Variants in MSH3 observed in about 807,000 individuals in gnomAD.
The protein encoded by MSH3 is mutS homolog 3, also known as DNA mismatch repair protein Msh3.
Under a neutral mutation model 123.3 loss-of-function variants are expected in MSH3, and 106 were observed. That is an observed-to-expected ratio of 0.86 (90% CI 0.73 to 1.01). MSH3 has a LOEUF of 1.01. MSH3 is among the 50% of genes least tolerant of loss of function. MSH3 has a pLI of 0.00. For missense variants in MSH3, 1,459 were observed against 1,347.6 expected (o/e 1.08, Z -1.29); for synonymous variants, 515 against 481.4 (o/e 1.07, Z -0.91).
chr5:80,813,863 A>G lies in MSH3; in HGVS notation c.2813+122A>G, dbSNP rs1195683432. On this transcript the variant is annotated intron_variant, in intron 20 of 23. Transcript: ENST00000265081. ...TAAAGCACTCAACATTTAGGAGCTT[A>G]AATAAATTATTTCAAGGCCGGGCAC... 2.6e-6 allele frequency: 3 copies of G among 1,142,988 alleles called. No individual in the cohort carries two copies. The African/African-American group carries it at 4.6e-5, about 17-fold the overall frequency. The allele number at this position is 1,142,988 out of a possible 1,614,324, so 70.8% of individuals were successfully genotyped here. A position where few individuals can be genotyped will look rare whatever the true frequency, so the allele number is the denominator to read the frequency against.
chr5:80,805,225 A>G (rs2112042130), intron 19 of MSH3, among the ~76,000 whole-genome samples: 1 of 152,324 alleles, frequency 6.6e-6, no homozygotes, highest in East Asian at 1.9e-4. Flanking sequence ...TCAAAGTTGT[A>G]GCCTTGCTAC....
chr5:80,743,270 C>T (rs1743649965), intron 11 of MSH3, among the ~76,000 whole-genome samples: 1 of 152,146 alleles, frequency 6.6e-6, no homozygotes, highest in Non-Finnish European at 1.5e-5. Flanking sequence ...AGTGCTGCTG[C>T]TGATCTGAAC....
intron 16 of MSH3, among the ~76,000 whole-genome samples, chr5:80,777,225 A>C (rs576136803): frequency 6.6e-6 from 1 of 152,098 alleles, no homozygotes; most frequent in Non-Finnish European, 1.5e-5. Context: ...TTTATTATCC[A>C]TTGCCACATC....
At chr5:80,723,375 G>A (rs191347713) in intron 8 of MSH3, among the ~76,000 whole-genome samples, 1 of 152,232 alleles carries the variant, frequency 6.6e-6, no homozygotes, top group East Asian at 1.9e-4. Flanking sequence ...AATATGCAGT[G>A]AAAGTAACAT....
chr5:80,679,211 T>TACTACA, intron 8 of MSH3, 118 bp downstream of exon 8: 1 of 1,091,934 alleles, frequency 9.2e-7, no homozygotes, highest in Non-Finnish European at 1.4e-6. Flanking sequence ...ATATTTCCAC[T>TACTACA]GTAGTAGTGG....
intron 8 of MSH3, among the ~76,000 whole-genome samples, chr5:80,722,529 G>A (rs1195073671): frequency 6.6e-6 from 1 of 152,078 alleles, no homozygotes; most frequent in African/African-American, 2.4e-5. Context: ...ATTTGTATAG[G>A]TCAGTGGTTC....
chr5:80,818,308 C>T (rs1358161930), intron 20 of MSH3, among the ~76,000 whole-genome samples: 1 of 149,718 alleles, frequency 6.7e-6, no homozygotes, highest in Non-Finnish European at 1.5e-5. Flanking sequence ...TGTTAAACAC[C>T]ACCATAGGGG....
chr5:80,786,644 C>T (rs71636243), intron 17 of MSH3, among the ~76,000 whole-genome samples: 1 of 152,044 alleles, frequency 6.6e-6, no homozygotes, highest in Non-Finnish European at 1.5e-5. Context: ...TTATACTTGG[C>T]CATTCTTAAA....
rs1746275188 is a variant in MSH3 at position 80,874,649 on chromosome 5, A to G, written c.3303-1102A>G. Reference sequence around the variant, plus strand: ...AAACTTTACTACAAAGGATATATATACAAGATAGTAATAAAATATGTCAAT... The same window carrying G: ...AAACTTTACTACAAAGGATATATATGCAAGATAGTAATAAAATATGTCAAT... On this transcript the variant is annotated intron_variant, in intron 23 of 23. Transcript: ENST00000265081. Among the ~76,000 whole-genome samples the G allele has an allele frequency of 2.6e-5, 4 of 152,380 alleles. No homozygotes were observed. In the South Asian group the frequency reaches 8.3e-4, roughly 32 times the overall value.
At chr5:80,810,189 A>ATATG (rs905273534) in intron 19 of MSH3, among the ~76,000 whole-genome samples, 3 of 143,296 alleles carry the variant, frequency 2.1e-5, no homozygotes, top group African/African-American at 7.5e-5. Context: ...ATATATATAT[A>ATATG]TATATAAACT....
intron 20 of MSH3, among the ~76,000 whole-genome samples, chr5:80,825,887 G>A (rs1745289969): frequency 6.6e-6 from 1 of 152,104 alleles, no homozygotes; most frequent in Admixed American, 6.5e-5. Flanking sequence ...TACTGTGCCT[G>A]TTTACAAAAA....
intron 12 of MSH3, among the ~76,000 whole-genome samples, chr5:80,755,701 G>A: frequency 6.6e-6 from 1 of 152,180 alleles, no homozygotes; most frequent in Non-Finnish European, 1.5e-5. Flanking sequence ...GACTGCTGCA[G>A]CTGCCCTCTG....
chr5:80,763,296 A>C (rs1359672706), intron 13 of MSH3, among the ~76,000 whole-genome samples: 5 of 152,244 alleles, frequency 3.3e-5, no homozygotes, highest in African/African-American at 4.8e-5. Context: ...ACTGTTTTAC[A>C]TGCCTCAGCT....
At chr5:80,757,985 G>A (rs1743957972) in intron 12 of MSH3, among the ~76,000 whole-genome samples, 2 of 152,072 alleles carry the variant, frequency 1.3e-5, no homozygotes, top group South Asian at 2.1e-4. Flanking sequence ...GAAATTTGTG[G>A]TGAACAGTGT....
chr5:80,768,193 A>T, intron 14 of MSH3, 73 bp downstream of exon 14: 1 of 1,309,700 alleles, frequency 7.6e-7, no homozygotes, highest in Non-Finnish European at 1.1e-6. Flanking sequence ...TTATTTGTGG[A>T]TTCTTAATCT....
intron 12 of MSH3, among the ~76,000 whole-genome samples, chr5:80,744,957 G>T (rs774847131): frequency 6.6e-6 from 1 of 152,134 alleles, no homozygotes; most frequent in African/African-American, 2.4e-5. Context: ...CATCAGAGCT[G>T]GGCTTGTGTG....
Position 80,656,446 on chromosome 5 carries a change from G to A in MSH3, c.273G>A (p.Leu91=). The change falls in exon 2 of 24, where the codon TTG becomes TTA. Residue 91 remains leucine (L), a synonymous_variant. Coordinates refer to ENST00000265081, the MANE Select transcript of MSH3 (RefSeq NM_002439.5). ...TEIDRRKKRP[L]ENDGPVKKKV... ...TTGACAGAAGAAAGAAGAGACCATTGGAAAATGATGGGCCTGTTAAAAAGA... is the reference window on the plus strand; with the variant it reads ...TTGACAGAAGAAAGAAGAGACCATTAGAAAATGATGGGCCTGTTAAAAAGA... 1 of 1,614,080 alleles carries A rather than the reference G, an allele frequency of 6.2e-7. No individual in the cohort carries two copies. Among genetic ancestry groups the A allele is most frequent in the Non-Finnish European group, 8.5e-7 (1 of 1,179,990 alleles).
intron 20 of MSH3, among the ~76,000 whole-genome samples, chr5:80,826,838 C>T (rs576165203): frequency 1.1e-4 from 8 of 75,526 alleles, no homozygotes; most frequent in Admixed American, 1.3e-4. Context: ...TGTGAGCCAC[C>T]GCGCCCGGCC....
intron 18 of MSH3, among the ~76,000 whole-genome samples, chr5:80,791,364 T>C (rs1353895129): frequency 6.6e-6 from 1 of 152,198 alleles, no homozygotes; most frequent in Non-Finnish European, 1.5e-5. Context: ...TTTTTGTTGA[T>C]ACAAATGTGA....
Sources: allele counts gnomAD v4.1 joint callset (sites outside exome capture counted in the v4.1 genomes callset), GRCh38; gene constraint gnomAD v4.1.1; transcripts MANE v1.5; gene names NCBI Gene and HGNC (gene_info 2026-07-23, HGNC 2026-07-21).